Variants in CDH3 observed in about 807,000 individuals in gnomAD.
The protein encoded by CDH3 is cadherin-3.
Under a neutral mutation model 82.0 loss-of-function variants are expected in CDH3, and 54 were observed. That is an observed-to-expected ratio of 0.66 (90% CI 0.53 to 0.83). The LOEUF (loss-of-function observed/expected upper bound fraction) is 0.83. Ranked by LOEUF, CDH3 falls within the 40% of genes least tolerant of loss-of-function variation. The pLI, the probability that CDH3 is intolerant of heterozygous loss-of-function variation, is 0.00. For missense variants in CDH3, 1,054 were observed against 1,084.6 expected (o/e 0.97, Z 0.40); for synonymous variants, 446 against 437.9 (o/e 1.02, Z -0.23).
At chr16:68,681,676 A>C (rs971109526) in intron 8 of CDH3, among the ~76,000 whole-genome samples, 3 of 152,126 alleles carry the variant, frequency 2.0e-5, no homozygotes. Flanking sequence ...CGTCTCTACT[A>C]AAAATACAAA....
intron 6 of CDH3, 91 bp downstream of exon 6, chr16:68,678,997 T>C: frequency 7.3e-7 from 1 of 1,361,676 alleles, no homozygotes; most frequent in Non-Finnish European, 1.0e-6. Context: ...CTTGGCTGTG[T>C]ATCAGATTAC....
chr16:68,705,205 C>T (rs558005666), downstream of CDH3, among the ~76,000 whole-genome samples: 20 of 152,250 alleles, frequency 1.3e-4, no homozygotes, highest in Admixed American at 4.6e-4. Flanking sequence ...CAGATGGGGC[C>T]GTGGGGCAGG....
At position 68,698,611 on chromosome 16, in the gene CDH3, A is replaced by G. The variant is rs1005836011; in HGVS notation, c.*211A>G. On this transcript the variant is annotated 3_prime_UTR_variant, in exon 16 of 16. Coordinates refer to ENST00000264012, the MANE Select transcript of CDH3 (RefSeq NM_001793.6). ...GGGCAGTTTGACTTCAGCACTGAAA[A>G]CCTCTCCACCTGGGCCAGGGTTGCC... is the stretch of plus-strand genomic sequence containing the variant. The G allele has an allele frequency of 6.9e-6, 4 of 582,200 alleles. No homozygotes were observed. Among genetic ancestry groups the G allele is most frequent in the East Asian group, 2.9e-5 (1 of 34,888 alleles). 36.1% of individuals were successfully genotyped at this position (582,200 alleles called of 1,614,324 possible).
chr16:68,691,948 C>A (rs754253074), intron 13 of CDH3, 22 bp downstream of exon 13: 60 of 1,583,394 alleles, frequency 3.8e-5, no homozygotes, highest in Non-Finnish European at 4.5e-5. Flanking sequence ...GCCCCCACCC[C>A]CTCCCTGAGG....
intron 2 of CDH3, among the ~76,000 whole-genome samples, chr16:68,656,432 G>C (rs200320029): frequency 6.6e-6 from 1 of 152,156 alleles, no homozygotes. Context: ...AGGAAGGGCT[G>C]TGAAAACTCA....
In CDH3 at chr16:68,698,436, G is replaced by A. The variant is rs1240212424; in HGVS notation, c.*36G>A. On this transcript the variant is annotated 3_prime_UTR_variant, in exon 16 of 16. Coordinates refer to ENST00000264012, the MANE Select transcript of CDH3 (RefSeq NM_001793.6). ...TGCAGGGCTGGGGACCAAACGTCAG[G>A]CCACAGAGCATCTCCAAGGGGTCTC... is the stretch of plus-strand genomic sequence containing the variant. The A allele has an allele frequency of 6.3e-7, 1 of 1,591,316 alleles. No homozygotes were observed. Among genetic ancestry groups the A allele is most frequent in the Non-Finnish European group, 8.6e-7 (1 of 1,160,548 alleles).
intron 11 of CDH3, chr16:68,686,519 G>T (rs1961417453): frequency 8.9e-7 from 1 of 1,121,056 alleles, no homozygotes; most frequent in Non-Finnish European, 1.4e-6. Context: ...AACAGTAGTT[G>T]CTGTTGGATC....
chr16:68,663,639 T>C (rs771425591), intron 2 of CDH3, among the ~76,000 whole-genome samples: 2 of 151,958 alleles, frequency 1.3e-5, no homozygotes, highest in Non-Finnish European at 2.9e-5. Context: ...CTAAAGATGA[T>C]GTTGTATGCA....
intron 12 of CDH3, among the ~76,000 whole-genome samples, chr16:68,688,371 C>A (rs540713703): frequency 6.6e-6 from 1 of 151,924 alleles, no homozygotes. Flanking sequence ...GGGCGGGTCA[C>A]CAGGTCAGGA....
At chr16:68,732,997 T>C in the CDH3 span, among the ~76,000 whole-genome samples, 1 of 151,928 alleles carries the variant, frequency 6.6e-6, no homozygotes, top group Admixed American at 6.6e-5. Context: ...TCCAGGCAGC[T>C]CACAATTTTT....
rs1961830136 is a variant in CDH3, at chr16:68,698,918, A to T, written c.*518A>T. 6.2e-6 allele frequency: 1 copy of T among 160,408 alleles called. No homozygotes were observed. Among genetic ancestry groups the T allele is most frequent in the Non-Finnish European group, 1.4e-5 (1 of 73,338 alleles). The allele number at this position is 160,408 out of a possible 1,614,324, so 9.9% of individuals were successfully genotyped here. ...CATTCGGATGGATCTCTGCGTTTTTATACTGAGTGTGCCTAGGTTGCCCCT... is the reference window on the plus strand; with the variant it reads ...CATTCGGATGGATCTCTGCGTTTTTTTACTGAGTGTGCCTAGGTTGCCCCT... On this transcript the variant is annotated 3_prime_UTR_variant, in exon 16 of 16. Coordinates refer to ENST00000264012, the MANE Select transcript of CDH3 (RefSeq NM_001793.6).
chr16:68,730,362 A>G (rs1482979174), downstream of CDH3, among the ~76,000 whole-genome samples: 2 of 151,626 alleles, frequency 1.3e-5, no homozygotes, highest in Non-Finnish European at 2.9e-5. Flanking sequence ...CCCCGTCTCT[A>G]CTAAAACCAC....
chr16:68,721,602 C>T (rs886276788), intron 1 of CDH3, among the ~76,000 whole-genome samples: 1 of 152,130 alleles, frequency 6.6e-6, no homozygotes, highest in Non-Finnish European at 1.5e-5. Flanking sequence ...TATGCCCAGC[C>T]CCTTCCCTGC....
At chr16:68,676,287 C>T (rs1961030969) in intron 2 of CDH3, 98 bp from the exon 3 acceptor site, 5 of 837,328 alleles carry the variant, frequency 6.0e-6, no homozygotes, top group African/African-American at 5.0e-5. Context: ...CTTAGCAGTC[C>T]TGGATCCAGT....
Position 68,687,693 on chromosome 16 carries a change from A to G in CDH3, c.1752A>G (p.Thr584=), listed in dbSNP as rs1961454441. Residue 584 remains threonine (T), a synonymous_variant, in exon 12 of 16, where the codon ACA becomes ACG. Coordinates refer to ENST00000264012, the MANE Select transcript of CDH3 (RefSeq NM_001793.6). ...PHTSPFQAQL[T]DDSDIYWTAE... ...CCTCCCCTTTCCAGGCCCAGCTCAC[A>G]GATGACTCAGACATCTACTGGACGG... is the stretch of plus-strand genomic sequence containing the variant. The G allele has an allele frequency of 1.2e-6, 2 of 1,613,962 alleles. No homozygotes were observed. The highest frequency in any genetic ancestry group is 1.3e-5 in the African/African-American group (1 of 74,932).
intron 1 of CDH3, among the ~76,000 whole-genome samples, chr16:68,721,229 C>CTTTTTTT (rs71148941): frequency 1.7e-5 from 2 of 114,576 alleles, no homozygotes; most frequent in Non-Finnish European, 3.4e-5. Context: ...GCAGTTTAGT[C>CTTTTTTT]TTTTTTTTTT....
At chr16:68,672,455 T>G (rs1960912644) in intron 2 of CDH3, among the ~76,000 whole-genome samples, 2 of 152,182 alleles carry the variant, frequency 1.3e-5, no homozygotes, top group African/African-American at 4.8e-5. Context: ...TGAAGATGAT[T>G]TAACCTTTGC....
Position 68,681,554 on chromosome 16 carries a change from C to T in CDH3, c.996+458C>T, listed in dbSNP as rs375610265. Among the ~76,000 whole-genome samples the T allele has an allele frequency of 2.0e-4, 30 of 152,236 alleles. No individual in the cohort carries two copies. In the East Asian group the frequency reaches 4.6e-3, roughly 24 times the overall value. ...AGGTCTGAATAAAAATTTGTAATGACGCCAGGGGCGGTGGCTCACACCTGT... is the reference window on the plus strand; with the variant it reads ...AGGTCTGAATAAAAATTTGTAATGATGCCAGGGGCGGTGGCTCACACCTGT... On this transcript the variant is annotated intron_variant, in intron 8 of 15. Coordinates refer to ENST00000264012, the MANE Select transcript of CDH3 (RefSeq NM_001793.6).
intron 2 of CDH3, among the ~76,000 whole-genome samples, chr16:68,655,570 A>G (rs563426779): frequency 6.6e-6 from 1 of 152,286 alleles, no homozygotes; most frequent in African/African-American, 2.4e-5. Context: ...GGGGCTGGGC[A>G]TGGTGGCTCA....
Sources: allele counts gnomAD v4.1 joint callset (sites outside exome capture counted in the v4.1 genomes callset), GRCh38; gene constraint gnomAD v4.1.1; transcripts MANE v1.5; gene names NCBI Gene and HGNC (gene_info 2026-07-23, HGNC 2026-07-21).